Variants in RORB observed in about 807,000 individuals in gnomAD.
RORB encodes RAR related orphan receptor B.
A neutral mutation model predicts 59.1 loss-of-function variants in RORB; 6 were observed. The ratio of observed to expected loss-of-function variants is 0.10; its 90% CI spans 0.06 to 0.20. The LOEUF (loss-of-function observed/expected upper bound fraction) is 0.20, where lower values mean the gene tolerates loss of function less well. Among genes scored for constraint, RORB ranks in the 10% least tolerant of loss-of-function variants. The pLI, the probability that RORB is intolerant of heterozygous loss-of-function variation, is 1.00. For synonymous variants in RORB, 215 were observed against 204.5 expected, an observed-to-expected ratio of 1.05 and a Z score of -0.44; for missense variants, 320 against 560.5, an observed-to-expected ratio of 0.57 and a Z score of 4.33.
At chr9:74,515,239 T>A (rs1317095032) in intron 1 of RORB, among the ~76,000 whole-genome samples, 1 of 151,690 alleles carries the variant, frequency 6.6e-6, no homozygotes. Flanking sequence ...CACAGCAAAT[T>A]TCTGATTAAG....
At chr9:74,514,658 T>C (rs933081222) in intron 1 of RORB, among the ~76,000 whole-genome samples, 1 of 148,364 alleles carries the variant, frequency 6.7e-6, no homozygotes, top group African/African-American at 2.4e-5. Context: ...AAATGATATT[T>C]ATATAATATA....
intron 1 of RORB, among the ~76,000 whole-genome samples, chr9:74,571,109 A>G (rs1563940548): frequency 6.6e-6 from 1 of 152,082 alleles, no homozygotes; most frequent in Non-Finnish European, 1.5e-5. Flanking sequence ...TACTGTAGTT[A>G]TTGGTGACAT....
At chr9:74,633,290 G>A (rs1328476718) in intron 2 of RORB, among the ~76,000 whole-genome samples, 6 of 152,178 alleles carry the variant, frequency 3.9e-5, no homozygotes, top group Admixed American at 6.5e-5. Flanking sequence ...CTCACTAGGC[G>A]TACCTAGCCC....
At chr9:74,549,034 A>T (rs973064211) in intron 1 of RORB, among the ~76,000 whole-genome samples, 3 of 152,234 alleles carry the variant, frequency 2.0e-5, no homozygotes, top group Non-Finnish European at 4.4e-5. Flanking sequence ...CTTTGACCAC[A>T]TGAAAATGCG....
intron 3 of RORB, among the ~76,000 whole-genome samples, chr9:74,641,754 A>C (rs1482853719): frequency 6.6e-6 from 1 of 151,868 alleles, no homozygotes; most frequent in Non-Finnish European, 1.5e-5. Flanking sequence ...TAAAAAAAAA[A>C]AAAATAGCTG....
chr9:74,684,246 G>A (rs371780972), intron 9 of RORB, among the ~76,000 whole-genome samples: 3 of 152,148 alleles, frequency 2.0e-5, no homozygotes, highest in African/African-American at 7.2e-5. Flanking sequence ...AAAACCACAA[G>A]GCAACTAATT....
chr9:74,527,523 C>T (rs1414406063), intron 1 of RORB, among the ~76,000 whole-genome samples: 1 of 151,970 alleles, frequency 6.6e-6, no homozygotes, highest in Non-Finnish European at 1.5e-5. Flanking sequence ...TAGAAACTGT[C>T]AAAAGGATGC....
At chr9:74,638,441 T>G (rs913353185) in intron 3 of RORB, among the ~76,000 whole-genome samples, 8 of 152,318 alleles carry the variant, frequency 5.3e-5, no homozygotes, top group African/African-American at 1.9e-4. Context: ...TCATTGAATA[T>G]TTATAAGCAC....
intron 1 of RORB, among the ~76,000 whole-genome samples, chr9:74,558,568 G>T (rs1822344317): frequency 6.6e-6 from 1 of 152,156 alleles, no homozygotes; most frequent in Non-Finnish European, 1.5e-5. Context: ...GAACACCCTT[G>T]CATGGGTTGA....
chr9:74,600,585 A>G (rs1198193533), intron 1 of RORB, among the ~76,000 whole-genome samples: 1 of 152,170 alleles, frequency 6.6e-6, no homozygotes, highest in African/African-American at 2.4e-5. Context: ...GCTGGTCCCA[A>G]CTTAAACTAC....
Position 74,681,657 on chromosome 9 carries a change from A to C in RORB, c.1225-3806A>C, listed in dbSNP as rs190192118. Among the ~76,000 whole-genome samples, 4 of 152,330 alleles carry C rather than the reference A, an allele frequency of 2.6e-5. No homozygotes were observed. In the East Asian group the frequency reaches 7.7e-4, roughly 29 times the overall value. On this transcript the variant is annotated intron_variant, in intron 9 of 9. Coordinates refer to ENST00000376896, the MANE Select transcript of RORB (RefSeq NM_006914.4). ...TAAATCCCAGTTTTTTTCCCAGGAA[A>C]AGAGGAAGAGTCCATATTAACATTC...
chr9:74,566,498 A>G (rs898818648), intron 1 of RORB, among the ~76,000 whole-genome samples: 3 of 152,076 alleles, frequency 2.0e-5, no homozygotes, highest in Non-Finnish European at 4.4e-5. Context: ...TTCATCTTTT[A>G]TAAAATAAGC....
chr9:74,657,723 G>T (rs927284409), intron 4 of RORB, among the ~76,000 whole-genome samples: 4 of 152,154 alleles, frequency 2.6e-5, no homozygotes, highest in Non-Finnish European at 4.4e-5. Flanking sequence ...CACAGGCAAG[G>T]GTAGGGGATG....
chr9:74,557,024 T>C (rs1307804778), intron 1 of RORB, among the ~76,000 whole-genome samples: 2 of 152,068 alleles, frequency 1.3e-5, no homozygotes, highest in Non-Finnish European at 1.5e-5. Context: ...CATTTCCCCC[T>C]TTTTTCTACC....
chr9:74,680,938 C>T (rs917418447), intron 9 of RORB, among the ~76,000 whole-genome samples: 1 of 152,052 alleles, frequency 6.6e-6, no homozygotes, highest in Non-Finnish European at 1.5e-5. Flanking sequence ...AACCGCCCAC[C>T]GGAGAGAAGC....
chr9:74,498,104 G>A, intron 1 of RORB, 121 bp downstream of exon 1: 1 of 1,142,818 alleles, frequency 8.8e-7, no homozygotes. Flanking sequence ...GCAGTTCCCC[G>A]AATTCGCTCT....
intron 1 of RORB, among the ~76,000 whole-genome samples, chr9:74,603,101 T>C (rs1385318647): frequency 6.6e-6 from 1 of 152,200 alleles, no homozygotes; most frequent in Non-Finnish European, 1.5e-5. Flanking sequence ...ATGCATGATC[T>C]GTAGGAGCAG....
At chr9:74,661,322 G>A (rs969824076) in intron 5 of RORB, among the ~76,000 whole-genome samples, 8 of 152,108 alleles carry the variant, frequency 5.3e-5, no homozygotes. Context: ...CTTTGGGATA[G>A]AGATCCCCAA....
intron 4 of RORB, among the ~76,000 whole-genome samples, chr9:74,657,014 T>C (rs985001734): frequency 6.6e-5 from 10 of 152,108 alleles, no homozygotes; most frequent in African/African-American, 2.2e-4. Flanking sequence ...AAAACATTGC[T>C]TACTAGCTCC....
Sources: allele counts gnomAD v4.1 joint callset (sites outside exome capture counted in the v4.1 genomes callset), GRCh38; gene constraint gnomAD v4.1.1; transcripts MANE v1.5; gene names NCBI Gene and HGNC (gene_info 2026-07-23, HGNC 2026-07-21).